Variants in ECHDC2 observed in about 807,000 individuals in gnomAD.
ECHDC2 encodes the protein enoyl-CoA hydratase domain containing 2, also known as enoyl-CoA hydratase domain-containing protein 2, mitochondrial.
ECHDC2 carries 34 observed loss-of-function variants against 40.6 expected under a neutral mutation model. The observed-to-expected ratio is 0.84, with a 90% CI of 0.64 to 1.11. The LOEUF is 1.11. ECHDC2 is among the 50% of genes most tolerant of loss of function. ECHDC2 has a pLI of 0.00. For synonymous variants in ECHDC2, 162 were observed against 166.6 expected, an observed-to-expected ratio of 0.97 and a Z score of 0.21; for missense variants, 392 against 400.7, an observed-to-expected ratio of 0.98 and a Z score of 0.19.
rs984291834 is a variant in ECHDC2 at position 52,917,877 on chromosome 1, A to G, written c.121+3676T>C. ...CAGCACATACAATTAGGCCCACAAC[A>G]TAATACTTGATAATGATAATAAAAG... On this transcript the variant is annotated intron_variant, in intron 1 of 9. Coordinates refer to ENST00000371522, the MANE Select transcript of ECHDC2 (RefSeq NM_001198961.2). 3.9e-5 allele frequency among the ~76,000 whole-genome samples: 6 copies of G among 152,266 alleles called. No individual in the cohort carries two copies. The South Asian group carries it at 8.3e-4, about 21-fold the overall frequency.
chr1:52,907,922 C>T lies in ECHDC2; in HGVS notation c.310G>A (p.Glu104Lys), dbSNP rs1254924724. ...ADLKEREQMS[E>K]AEVGVFVQRL... ...TGGACAAACACCCCCACCTCTGCTTCACTCATCTGTTCCCGCTCCTTCAGG... is the reference window on the plus strand; with the variant it reads ...TGGACAAACACCCCCACCTCTGCTTTACTCATCTGTTCCCGCTCCTTCAGG... Residue 104 changes from glutamate to lysine, a missense_variant, in exon 4 of 10, where the codon GAA becomes AAA. Coordinates refer to ENST00000371522, the MANE Select transcript of ECHDC2 (RefSeq NM_001198961.2). The T allele has an allele frequency of 1.2e-6, 2 of 1,613,994 alleles. No individual in the cohort carries two copies. The highest frequency in any genetic ancestry group is 1.7e-6 in the Non-Finnish European group (2 of 1,179,948).
intron 7 of ECHDC2, chr1:52,900,806 C>A (rs1646941473): frequency 1.3e-5 from 2 of 152,154 alleles, no homozygotes; most frequent in Non-Finnish European, 2.9e-5. Context: ...CCTTCTTACT[C>A]CTCTGTTCTT....
At chr1:52,921,767 C>T (rs987542904), upstream of ECHDC2, 37 of 1,418,202 alleles carry the variant, frequency 2.6e-5, no homozygotes, top group Non-Finnish European at 3.4e-5. Context: ...GCGAAGCCTT[C>T]GCCAATTGCT....
chr1:52,911,421 A>G (rs1649458273), intron 3 of ECHDC2, 145 bp downstream of exon 3: 1 of 763,274 alleles, frequency 1.3e-6, no homozygotes, highest in African/African-American at 1.7e-5. Flanking sequence ...TAGGCAAGGG[A>G]ATTTTCCTCC....
chr1:52,907,995 G>A, intron 3 of ECHDC2, 41 bp from the exon 4 acceptor site: 1 of 1,584,308 alleles, frequency 6.3e-7, no homozygotes. Flanking sequence ...TAGGAAAATG[G>A]CACTTTACGG....
intron 7 of ECHDC2, 84 bp downstream of exon 7, chr1:52,904,562 T>C: frequency 8.1e-7 from 1 of 1,233,048 alleles, no homozygotes; most frequent in Non-Finnish European, 1.1e-6. Context: ...GGAGAATGGA[T>C]GTGCAGCCCA....
intron 3 of ECHDC2, among the ~76,000 whole-genome samples, chr1:52,910,480 T>C (rs971689012): frequency 8.8e-5 from 13 of 147,494 alleles, no homozygotes; most frequent in African/African-American, 3.2e-4. Context: ...GCAATTCTCC[T>C]GTCTCAGCCT....
intron 1 of ECHDC2, among the ~76,000 whole-genome samples, chr1:52,918,370 A>G (rs528897635): frequency 1.3e-5 from 2 of 151,942 alleles, no homozygotes; most frequent in East Asian, 3.9e-4. Flanking sequence ...AAAAAAAAAA[A>G]AAAAAGAAAA....
chr1:52,919,598 A>G (rs1363670655), intron 1 of ECHDC2, among the ~76,000 whole-genome samples: 1 of 152,226 alleles, frequency 6.6e-6, no homozygotes, highest in Non-Finnish European at 1.5e-5. Context: ...ATGAGAAATA[A>G]AGCCGCTAAG....
chr1:52,897,604 A>AT, intron 8 of ECHDC2, 120 bp from the exon 9 acceptor site: 1 of 947,102 alleles, frequency 1.1e-6, no homozygotes, highest in East Asian at 2.4e-5. Flanking sequence ...ATGAGAAGGA[A>AT]TTTCCCTCCT....
At chr1:52,898,482 G>A (rs575646926) in intron 8 of ECHDC2, 1 of 153,282 alleles carries the variant, frequency 6.5e-6, no homozygotes, top group Admixed American at 6.5e-5. Flanking sequence ...GCCTCCCAAA[G>A]TGCTGGGACT....
At chr1:52,906,764 CTT>C (rs1224675333) in intron 4 of ECHDC2, among the ~76,000 whole-genome samples, 153 bp from the exon 5 acceptor site, 5,719 of 131,038 alleles carry the variant, frequency 0.044, 410 homozygotes, top group African/African-American at 0.15. Flanking sequence ...TATCTTAATT[CTT>C]TTTTTTTTTT....
chr1:52,911,702 C>G (rs769043619), intron 2 of ECHDC2, 21 bp downstream of exon 2: 1 of 1,614,202 alleles, frequency 6.2e-7, no homozygotes, highest in South Asian at 1.1e-5. Context: ...CCAGCCCACC[C>G]TGGCGCCCGC....
intron 1 of ECHDC2, chr1:52,917,561 G>C (rs535179932): frequency 2.7e-4 from 124 of 456,110 alleles, no homozygotes; most frequent in South Asian, 1.5e-3. Context: ...TGAGCCCATG[G>C]GTAGAGGAGG....
chr1:52,909,540 A>AC (rs940766934), intron 3 of ECHDC2, among the ~76,000 whole-genome samples: 5 of 150,614 alleles, frequency 3.3e-5, no homozygotes, highest in African/African-American at 4.9e-5. Context: ...AAAAAAAAAA[A>AC]CACCACACAA....
intron 4 of ECHDC2, 72 bp downstream of exon 4, chr1:52,907,796 G>T: frequency 7.7e-7 from 1 of 1,292,754 alleles, no homozygotes; most frequent in Non-Finnish European, 1.1e-6. Flanking sequence ...CTTAGATGCT[G>T]GTGGGGGTAG....
At chr1:52,920,103 G>A (rs1457453851) in intron 1 of ECHDC2, among the ~76,000 whole-genome samples, 1 of 152,186 alleles carries the variant, frequency 6.6e-6, no homozygotes, top group Non-Finnish European at 1.5e-5. Flanking sequence ...TTTTTAATCT[G>A]TAAAGTGGGG....
intron 9 of ECHDC2, chr1:52,896,915 A>T: frequency 3.0e-6 from 1 of 329,318 alleles, no homozygotes. Context: ...AATTCTTTGC[A>T]GTAAGAAATC....
intron 1 of ECHDC2, among the ~76,000 whole-genome samples, chr1:52,921,061 T>C (rs1451414204): frequency 1.3e-5 from 2 of 152,146 alleles, no homozygotes; most frequent in African/African-American, 4.8e-5. Flanking sequence ...AACAGCGAAC[T>C]TTTCCCTGGA....
Sources: gnomAD v4.1 joint callset for allele counts (sites outside exome capture counted in the v4.1 genomes callset) on GRCh38, gnomAD v4.1.1 for gene constraint, MANE v1.5 for transcripts, NCBI Gene and HGNC (gene_info 2026-07-23, HGNC 2026-07-21) for gene names.